SLC4A8: variants seen among roughly 807,000 people sequenced by gnomAD.
SLC4A8 encodes the protein solute carrier family 4 member 8.
In SLC4A8, 40 loss-of-function variants were observed where a neutral mutation model predicts 125.0. That is an observed-to-expected ratio of 0.32 (90% confidence interval 0.25 to 0.42). The LOEUF is 0.42. SLC4A8 is among the 10% of genes least tolerant of loss of function. The pLI is 1.00. For synonymous variants in SLC4A8, 456 were observed against 476.0 expected (o/e 0.96, Z 0.55); for missense variants, 863 against 1,355.1 (o/e 0.64, Z 5.70).
chr12:51,405,705 G>T (rs557897375), intron 1 of SLC4A8, among the ~76,000 whole-genome samples: 190 of 152,316 alleles, frequency 1.2e-3, no homozygotes, highest in Non-Finnish European at 2.0e-3. Context: ...GGGCCCCGTG[G>T]CCATTTTCTT....
At chr12:51,422,922 T>C (rs1948824291), upstream of SLC4A8, among the ~76,000 whole-genome samples, 1 of 152,270 alleles carries the variant, frequency 6.6e-6, no homozygotes, top group Non-Finnish European at 1.5e-5. Flanking sequence ...TCATGGTTTA[T>C]ATAATATTAC....
intron 1 of SLC4A8, among the ~76,000 whole-genome samples, chr12:51,409,031 A>G (rs547308746): frequency 7.0e-4 from 71 of 101,556 alleles, no homozygotes; most frequent in African/African-American, 2.9e-3. Context: ...ATATATATAT[A>G]CTTTTTTTTT....
intron 1 of SLC4A8, 47 bp downstream of exon 1, chr12:51,425,082 C>A (rs1948920978): frequency 6.5e-7 from 1 of 1,534,892 alleles, no homozygotes; most frequent in Non-Finnish European, 8.8e-7. Context: ...GGGGCGCAGC[C>A]TCCTCATCCT....
chr12:51,429,965 A>G (rs917300430), intron 1 of SLC4A8, among the ~76,000 whole-genome samples: 1 of 151,866 alleles, frequency 6.6e-6, no homozygotes, highest in African/African-American at 2.4e-5. Flanking sequence ...AACAAGCAGA[A>G]GGAAGTGTTG....
At chr12:51,506,788 A>G (rs991763959) in intron 24 of SLC4A8, among the ~76,000 whole-genome samples, 4 of 152,234 alleles carry the variant, frequency 2.6e-5, no homozygotes, top group Non-Finnish European at 5.9e-5. Context: ...CTAATAGCAT[A>G]GATCAACCTT....
chr12:51,476,906 C>CTTTTTTTTTTTTTTTTTTT (rs67928969), intron 16 of SLC4A8, among the ~76,000 whole-genome samples: 3 of 118,538 alleles, frequency 2.5e-5, no homozygotes, highest in Non-Finnish European at 3.5e-5. Flanking sequence ...TTTTTCTTTT[C>CTTTTTTTTTTTTTTTTTTT]TTTTTTTTTT....
At chr12:51,459,061 G>A (rs1024980540) in intron 7 of SLC4A8, among the ~76,000 whole-genome samples, 1 of 152,190 alleles carries the variant, frequency 6.6e-6, no homozygotes, top group Non-Finnish European at 1.5e-5. Context: ...CTCTCCTTGA[G>A]GACTGTGACT....
At chr12:51,502,903 GCC>G (rs1937976044) in intron 22 of SLC4A8, among the ~76,000 whole-genome samples, 14 of 149,512 alleles carry the variant, frequency 9.4e-5, no homozygotes, top group Admixed American at 2.0e-4. Flanking sequence ...GTGCAGTGGC[GCC>G]ATCTTGGCTC....
Position 51,489,682 on chromosome 12 carries a change from G to T in SLC4A8, c.2449-18G>T, listed in dbSNP as rs771743728. The T allele has an allele frequency of 2.9e-5, 46 of 1,613,606 alleles. No homozygotes were observed. The highest frequency in any genetic ancestry group is 3.7e-5 in the Non-Finnish European group (44 of 1,179,866). On this transcript the variant is annotated intron_variant, in intron 18 of 24. Transcript: ENST00000453097. ...CAGCTAGCCTACTGATGGTGACAAA[G>T]ACTCTGTTTCCCCACAGAAAGGCTG...
intron 1 of SLC4A8, among the ~76,000 whole-genome samples, chr12:51,402,245 T>A (rs1286740465): frequency 6.6e-6 from 1 of 152,202 alleles, no homozygotes; most frequent in East Asian, 1.9e-4. Context: ...TATCCTGGGA[T>A]TCAGCTGTTG....
intron 1 of SLC4A8, among the ~76,000 whole-genome samples, chr12:51,434,162 G>A (rs1949324690): frequency 6.6e-6 from 1 of 152,004 alleles, no homozygotes; most frequent in Non-Finnish European, 1.5e-5. Flanking sequence ...GGCATGAGTT[G>A]CAGAGCCTGG....
At chr12:51,507,329 C>T (rs992256479) in intron 24 of SLC4A8, 97 bp from the exon 25 acceptor site, 2 of 766,982 alleles carry the variant, frequency 2.6e-6, no homozygotes, top group African/African-American at 3.6e-5. Context: ...TAAAATATAG[C>T]CAGATCCAAA....
At chr12:51,462,823 G>A (rs1201686864) in intron 10 of SLC4A8, 1 of 155,474 alleles carries the variant, frequency 6.4e-6, no homozygotes, top group African/African-American at 2.4e-5. Flanking sequence ...AACCCGGGAG[G>A]CGGAGGATGT....
intron 1 of SLC4A8, among the ~76,000 whole-genome samples, chr12:51,437,644 T>C (rs985909352): frequency 5.3e-5 from 8 of 152,196 alleles, no homozygotes; most frequent in Admixed American, 5.2e-4. Context: ...CCTGCAGAAC[T>C]GTGAGCCAAG....
chr12:51,414,655 T>C (rs1592148852), intron 1 of SLC4A8, among the ~76,000 whole-genome samples: 1 of 152,298 alleles, frequency 6.6e-6, no homozygotes, highest in Non-Finnish European at 1.5e-5. Flanking sequence ...TGAGTTGTGA[T>C]TGTGCCACTG....
At chr12:51,424,719 G>C (rs904269868), upstream of SLC4A8, 15 of 453,086 alleles carry the variant, frequency 3.3e-5, no homozygotes, top group Non-Finnish European at 5.5e-5. Flanking sequence ...TGGCTCCCCG[G>C]CTCCTCCCCC....
chr12:51,434,980 G>A (rs1949353029), intron 1 of SLC4A8, among the ~76,000 whole-genome samples: 1 of 152,190 alleles, frequency 6.6e-6, no homozygotes, highest in African/African-American at 2.4e-5. Context: ...AGATATTGAT[G>A]AATATAAGAC....
At chr12:51,417,540 C>T (rs1948709122) in intron 1 of SLC4A8, among the ~76,000 whole-genome samples, 1 of 138,056 alleles carries the variant, frequency 7.2e-6, no homozygotes, top group South Asian at 2.3e-4. Flanking sequence ...TTTTTTGAGA[C>T]GAAGTCTCAC....
intron 24 of SLC4A8, 30 bp from the exon 25 acceptor site, chr12:51,507,395 CT>C: frequency 5.2e-6 from 7 of 1,343,760 alleles, no homozygotes; most frequent in Non-Finnish European, 6.8e-6. Flanking sequence ...CATATGTTCC[CT>C]TTTTGTCTAA....
Sources: gnomAD v4.1 joint callset for allele counts (sites outside exome capture counted in the v4.1 genomes callset) on GRCh38, gnomAD v4.1.1 for gene constraint, MANE v1.5 for transcripts, NCBI Gene and HGNC (gene_info 2026-07-23, HGNC 2026-07-21) for gene names.